SPINK5: variants seen among roughly 807,000 people sequenced by gnomAD.
The protein encoded by SPINK5 is serine peptidase inhibitor Kazal type 5.
A neutral mutation model predicts 151.8 loss-of-function variants in SPINK5; 125 were observed. The observed-to-expected ratio is 0.82, with a 90% CI of 0.71 to 0.96. The LOEUF is 0.96. Ranked by LOEUF, SPINK5 falls within the 40% of genes least tolerant of loss-of-function variation. The pLI is 0.00. For synonymous variants in SPINK5, 374 were observed against 395.3 expected (o/e 0.95, Z 0.64); for missense variants, 1,194 against 1,291.9 (o/e 0.92, Z 1.16).
At chr5:148,100,798 A>C (rs1187332287) in intron 13 of SPINK5, among the ~76,000 whole-genome samples, 2 of 152,210 alleles carry the variant, frequency 1.3e-5, no homozygotes, top group African/African-American at 4.8e-5. Context: ...TAATCTTGAA[A>C]TATTCAAGTA....
At chr5:148,106,988 C>A (rs1373676168) in intron 16 of SPINK5, 49 bp from the exon 17 acceptor site, 1 of 1,601,678 alleles carries the variant, frequency 6.2e-7, no homozygotes, top group Non-Finnish European at 8.5e-7. Flanking sequence ...GGAAAAGATG[C>A]AGGAAGGATA....
intron 32 of SPINK5, among the ~76,000 whole-genome samples, chr5:148,135,917 C>T (rs1039716690): frequency 6.6e-6 from 1 of 152,128 alleles, no homozygotes; most frequent in Admixed American, 6.6e-5. Flanking sequence ...ACAGTAACTA[C>T]TAAGATTTAC....
At chr5:148,099,412 G>T in intron 12 of SPINK5, 97 bp downstream of exon 12, 1 of 982,614 alleles carries the variant, frequency 1.0e-6, no homozygotes, top group Non-Finnish European at 1.6e-6. Context: ...GAAATCCCCA[G>T]AATATCTTAA....
Position 148,089,230 on chromosome 5 carries a change from A to G in SPINK5, c.475-264A>G, listed in dbSNP as rs536567709. 9.4e-5 allele frequency: 51 copies of G among 544,898 alleles called. No homozygotes were observed. In the East Asian group the frequency reaches 9.5e-4, roughly 10 times the overall value. The allele number at this position is 544,898 out of a possible 1,614,324, so 33.8% of individuals were successfully genotyped here. A position where few individuals can be genotyped will look rare whatever the true frequency, so the allele number is the denominator to read the frequency against. ...TTTATCACCTAGGAGATTGGGAGCAAGTTGATGGCAAGGACTGTGCTCTGT... is the reference window on the plus strand; with the variant it reads ...TTTATCACCTAGGAGATTGGGAGCAGGTTGATGGCAAGGACTGTGCTCTGT... On this transcript the variant is annotated intron_variant, in intron 6 of 32. Coordinates refer to ENST00000256084, the MANE Select transcript of SPINK5 (RefSeq NM_006846.4).
intron 30 of SPINK5, among the ~76,000 whole-genome samples, chr5:148,128,811 C>T (rs529765356): frequency 6.6e-6 from 1 of 152,280 alleles, no homozygotes; most frequent in African/African-American, 2.4e-5. Context: ...GCGTGAGCCA[C>T]CGCGCCCGGC....
chr5:148,122,866 A>ATT (rs111936279), intron 26 of SPINK5, among the ~76,000 whole-genome samples: 21,020 of 127,706 alleles, frequency 0.16, 2,352 homozygotes, highest in East Asian at 0.48. Flanking sequence ...TCGCACAATA[A>ATT]TTTTTTTTTT....
intron 4 of SPINK5, among the ~76,000 whole-genome samples, chr5:148,081,217 T>C (rs1386251688): frequency 6.6e-6 from 1 of 151,604 alleles, no homozygotes; most frequent in Non-Finnish European, 1.5e-5. Flanking sequence ...TGAGAACTTC[T>C]TAAAATTTTA....
rs1424501854 is a variant in SPINK5 at position 148,104,996 on chromosome 5, CA to C, written c.1478del (p.Lys493ArgfsTer11). ...RARAKAKREAAKEICSEFRDQ... is the reference protein window; with the variant it reads ...RARAKAKREAXKEICSEFRDQ... ...AGAGCAAAGGCTAAAAGAGAAGCTG[CA>C]AAGGTAATATTCTCAGGAATGCTGA... On this transcript the variant is annotated frameshift_variant, in exon 16 of 33. Coordinates refer to ENST00000256084, the MANE Select transcript of SPINK5 (RefSeq NM_006846.4). LOFTEE classifies it high-confidence loss of function. 6.2e-7 allele frequency: 1 copy of C among 1,613,714 alleles called. No homozygotes were observed. Among genetic ancestry groups the C allele is most frequent in the Non-Finnish European group, 8.5e-7 (1 of 1,179,814 alleles).
chr5:148,124,686 C>G, intron 27 of SPINK5, 79 bp from the exon 28 acceptor site: 1 of 1,112,010 alleles, frequency 9.0e-7, no homozygotes, highest in Non-Finnish European at 1.2e-6. Flanking sequence ...TGTTTAGAAT[C>G]GCAGAAATAC....
intron 2 of SPINK5, chr5:148,065,592 G>T (rs1231053412): frequency 7.6e-6 from 4 of 527,834 alleles, no homozygotes; most frequent in African/African-American, 5.7e-5. Flanking sequence ...TAATGATGAT[G>T]GATGTCTGCA....
intron 3 of SPINK5, among the ~76,000 whole-genome samples, chr5:148,071,593 TAA>T (rs1237008282): frequency 1.3e-5 from 2 of 152,080 alleles, no homozygotes; most frequent in African/African-American, 4.8e-5. Context: ...TGAAATGCCT[TAA>T]GAGTCTAAAG....
chr5:148,068,621 G>GATATAGAT (rs1190151739), intron 2 of SPINK5, among the ~76,000 whole-genome samples: 3 of 142,320 alleles, frequency 2.1e-5, no homozygotes, highest in African/African-American at 7.8e-5. Context: ...CAAAACACCA[G>GATATAGAT]ATATAGATAT....
intron 5 of SPINK5, among the ~76,000 whole-genome samples, chr5:148,088,275 A>T (rs571235013): frequency 1.1e-4 from 16 of 151,914 alleles, no homozygotes; most frequent in African/African-American, 3.9e-4. Context: ...TCTGATGTGG[A>T]TCCCTCCTCT....
chr5:148,100,448 C>T lies in SPINK5; in HGVS notation c.1093-6C>T, dbSNP rs375060774. ...TATGGCCAACTTACTTCTTCTATCTCGGCAGGAGCTTTGCAGTGAATATCG... is the reference window on the plus strand; with the variant it reads ...TATGGCCAACTTACTTCTTCTATCTTGGCAGGAGCTTTGCAGTGAATATCG... On this transcript the variant is annotated splice_region_variant and splice_polypyrimidine_tract_variant and intron_variant, in intron 12 of 32. Transcript: ENST00000256084. 31 of 1,610,532 alleles carry T rather than the reference C, an allele frequency of 1.9e-5. No homozygotes were observed. Among genetic ancestry groups the T allele is most frequent in the African/African-American group, 8.0e-5 (6 of 74,774 alleles).
At chr5:148,066,169 C>T (rs1752579006) in intron 2 of SPINK5, among the ~76,000 whole-genome samples, 1 of 152,090 alleles carries the variant, frequency 6.6e-6, no homozygotes, top group Non-Finnish European at 1.5e-5. Context: ...CACCTGTGAG[C>T]GCAGAGGCCC....
chr5:148,125,678 A>G (rs1453664046), intron 28 of SPINK5, 45 bp from the exon 29 acceptor site: 1 of 1,612,758 alleles, frequency 6.2e-7, no homozygotes, highest in East Asian at 2.2e-5. Context: ...TCACTAAGCC[A>G]AAAAGGGACA....
intron 2 of SPINK5, among the ~76,000 whole-genome samples, chr5:148,069,295 A>G (rs1458845091): frequency 6.6e-6 from 1 of 151,780 alleles, no homozygotes; most frequent in East Asian, 1.9e-4. Context: ...AAGAATTACC[A>G]CTTTTGAAGA....
chr5:148,116,137 G>A (rs568900073), intron 21 of SPINK5, among the ~76,000 whole-genome samples: 1 of 152,158 alleles, frequency 6.6e-6, no homozygotes, highest in South Asian at 2.1e-4. Flanking sequence ...ACCTTGTCTT[G>A]TTTATGGTGA....
intron 6 of SPINK5, 116 bp downstream of exon 6, chr5:148,088,721 A>G: frequency 1.9e-6 from 2 of 1,050,590 alleles, no homozygotes; most frequent in East Asian, 2.5e-5. Flanking sequence ...TTCTTGCTTT[A>G]TGTGAAATGG....
Sources: allele counts gnomAD v4.1 joint callset (sites outside exome capture counted in the v4.1 genomes callset), GRCh38; gene constraint gnomAD v4.1.1; transcripts MANE v1.5; gene names NCBI Gene and HGNC (gene_info 2026-07-23, HGNC 2026-07-21).